Variants in RNF17 observed in about 807,000 individuals in gnomAD.
RNF17 encodes spermatogenesis associated 23.
In RNF17, 31 loss-of-function variants were observed where a neutral mutation model predicts 200.5. The ratio of observed to expected loss-of-function variants is 0.15; its 90% CI spans 0.12 to 0.21. The LOEUF (loss-of-function observed/expected upper bound fraction) is 0.21, where lower values mean the gene tolerates loss of function less well. RNF17 is among the 10% of genes least tolerant of loss of function. The pLI is 1.00. For synonymous variants in RNF17, 606 were observed against 637.8 expected, an observed-to-expected ratio of 0.95 and a Z score of 0.75; for missense variants, 1,628 against 1,905.1, an observed-to-expected ratio of 0.85 and a Z score of 2.71.
In RNF17 at chr13:24,843,629, A is replaced by G. The variant is rs77159978; in HGVS notation, c.2604-115A>G. 8.1e-4 allele frequency: 555 copies of G among 682,470 alleles called. 5 individuals are homozygous for G. The African/African-American group carries it at 9.4e-3, about 12-fold the overall frequency. 42.3% of individuals were successfully genotyped at this position (682,470 alleles called of 1,614,324 possible). A position where few individuals can be genotyped will look rare whatever the true frequency, so the allele number is the denominator to read the frequency against. On this transcript the variant is annotated intron_variant, in intron 19 of 35. Transcript: ENST00000255324. ...TCACCTGTTTTAGGTCCACAGTTAA[A>G]TGAATTTTGACAAAATAGTCATATA...
chr13:24,760,395 T>C (rs1878629659), upstream of RNF17, among the ~76,000 whole-genome samples: 1 of 152,148 alleles, frequency 6.6e-6, no homozygotes, highest in South Asian at 2.1e-4. Context: ...TTAAAAGTCA[T>C]TCCAATGCTG....
downstream of RNF17, among the ~76,000 whole-genome samples, chr13:24,880,157 C>T (rs61947511): frequency 1.2e-5 from 1 of 82,832 alleles, no homozygotes; most frequent in African/African-American, 3.2e-5. Flanking sequence ...TGACTCAGTT[C>T]CACATGGCTG....
chr13:24,827,104 G>T lies in RNF17; in HGVS notation c.2245+1332G>T, dbSNP rs993172206. ...GTCACCACGCCCGGCTAATTTTTTT[G>T]TATTTTTAGTAGAGATGGGATTTCG... is the stretch of plus-strand genomic sequence containing the variant. On this transcript the variant is annotated intron_variant, in intron 16 of 35. Coordinates refer to ENST00000255324, the MANE Select transcript of RNF17 (RefSeq NM_031277.3). Among the ~76,000 whole-genome samples, 193 of 151,094 alleles carry T rather than the reference G, an allele frequency of 1.3e-3. 2 individuals are homozygous for T. The highest frequency in any genetic ancestry group is 1.4e-3 in the Non-Finnish European group (96 of 67,730).
Position 24,843,990 on chromosome 13 carries a change from A to G in RNF17, c.2831+19A>G, listed in dbSNP as rs577839811. The G allele has an allele frequency of 1.0e-5, 7 of 668,660 alleles. No individual in the cohort carries two copies. In the East Asian group the frequency reaches 2.4e-4, roughly 23 times the overall value. 41.4% of individuals were successfully genotyped at this position (668,660 alleles called of 1,614,324 possible). ...TTAATAGGTATAATATATATATATA[A>G]TATATAAGGAAAATATTGCATATGA... On this transcript the variant is annotated intron_variant, in intron 20 of 35. Transcript: ENST00000255324.
At chr13:24,749,844 G>T in the RNF17 span, among the ~76,000 whole-genome samples, 1 of 152,166 alleles carries the variant, frequency 6.6e-6, no homozygotes, top group Admixed American at 6.5e-5. Context: ...CTGCTGTCCA[G>T]GTTCAAACGA....
chr13:24,848,275 ATCCC>A (rs140627862), intron 22 of RNF17, among the ~76,000 whole-genome samples: 29,666 of 151,992 alleles, frequency 0.2, 3,118 homozygotes, highest in South Asian at 0.32. Flanking sequence ...ATTTTAAGAA[ATCCC>A]TTTTAATAGA....
rs1245496175 is a variant in RNF17 at position 24,843,734 on chromosome 13, TG to T, written c.2604-9del. The T allele has an allele frequency of 7.9e-6, 12 of 1,515,938 alleles. No homozygotes were observed. The highest frequency in any genetic ancestry group is 1.4e-5 in the African/African-American group (1 of 72,816). 93.9% of individuals were successfully genotyped at this position (1,515,938 alleles called of 1,614,324 possible). A position where few individuals can be genotyped will look rare whatever the true frequency, so the allele number is the denominator to read the frequency against. ...TACAGTTCTTTTCATTAACTTTTGT[TG>T]TTTTTCAGATACATCCTCAAAGATA... On this transcript the variant is annotated splice_polypyrimidine_tract_variant and intron_variant, in intron 19 of 35. Transcript: ENST00000255324.
At chr13:24,857,718 GTGAGACCCCA>G (rs1892666897) in intron 25 of RNF17, among the ~76,000 whole-genome samples, 1 of 152,136 alleles carries the variant, frequency 6.6e-6, no homozygotes, top group Admixed American at 6.5e-5. Context: ...GGGCAACATG[GTGAGACCCCA>G]TCGCTACAAA....
At chr13:24,826,353 G>A (rs187170662) in intron 16 of RNF17, among the ~76,000 whole-genome samples, 37 of 152,280 alleles carry the variant, frequency 2.4e-4, no homozygotes, top group Middle Eastern at 3.4e-3. Context: ...CCCCAGCATT[G>A]ACTAAGACAG....
chr13:24,865,241 C>T (rs184926203), intron 29 of RNF17, among the ~76,000 whole-genome samples: 2 of 152,302 alleles, frequency 1.3e-5, no homozygotes, highest in South Asian at 4.1e-4. Flanking sequence ...AAACCTAGTG[C>T]GATGCCCATG....
chr13:24,884,591 T>C (rs1953957243), downstream of RNF17: 1 of 916,756 alleles, frequency 1.1e-6, no homozygotes, highest in African/African-American at 1.6e-5. Context: ...AAAGATCCTT[T>C]ATTTCGTGAG....
chr13:24,819,253 A>G (rs1309085731), intron 15 of RNF17, among the ~76,000 whole-genome samples: 2 of 152,188 alleles, frequency 1.3e-5, no homozygotes, highest in African/African-American at 4.8e-5. Context: ...TTACTATGTT[A>G]GATACCTTGT....
At position 24,835,478 on chromosome 13, in the gene RNF17, A is replaced by G. The variant is rs181820600; in HGVS notation, c.2482+3500A>G. On this transcript the variant is annotated intron_variant, in intron 18 of 35. Coordinates refer to ENST00000255324, the MANE Select transcript of RNF17 (RefSeq NM_031277.3). ...TGCTATCCACTGCTGAGAGACCCATAGGTGGTTCACATCACAGGACTCTGT... is the reference window on the plus strand; with the variant it reads ...TGCTATCCACTGCTGAGAGACCCATGGGTGGTTCACATCACAGGACTCTGT... Among the ~76,000 whole-genome samples the G allele has an allele frequency of 4.6e-5, 7 of 152,286 alleles. No homozygotes were observed. The East Asian group carries it at 1.4e-3, about 29-fold the overall frequency.
intron 24 of RNF17, among the ~76,000 whole-genome samples, chr13:24,852,694 T>C (rs950742792): frequency 6.6e-6 from 1 of 152,212 alleles, no homozygotes. Context: ...AGCTAATTGC[T>C]TTGCCTTTAG....
Position 24,779,676 on chromosome 13 carries a change from A to G in RNF17, c.439A>G (p.Thr147Ala), listed in dbSNP as rs756177962. The change falls in exon 5 of 36, where the codon ACT (threonine) becomes GCT (alanine). Residue 147 changes from threonine to alanine, a missense_variant. Thr to Ala is a moderately conservative substitution (Grantham distance 58). Transcript: ENST00000255324. ...TTCCCTCCCTTCTTAGGACACTAAT[A>G]CTGCAGAAGAAATTGATGAAGCATT... ...NSSAVMLDTN[T>A]AEEIDEALNT... 1.9e-6 allele frequency: 3 copies of G among 1,611,046 alleles called. No individual in the cohort carries two copies. Among genetic ancestry groups the G allele is most frequent in the African/African-American group, 2.7e-5 (2 of 74,862 alleles).
chr13:24,786,471 C>T (rs1883123746), intron 6 of RNF17, among the ~76,000 whole-genome samples: 1 of 152,012 alleles, frequency 6.6e-6, no homozygotes, highest in Non-Finnish European at 1.5e-5. Flanking sequence ...TATGTTTGCC[C>T]ATGTATTTAC....
the RNF17 span, among the ~76,000 whole-genome samples, chr13:24,753,622 A>C: frequency 6.6e-6 from 1 of 152,206 alleles, no homozygotes; most frequent in Non-Finnish European, 1.5e-5. Context: ...TAATAAGACC[A>C]ATTAAGCTAG....
At chr13:24,831,746 T>C in intron 17 of RNF17, 112 bp from the exon 18 acceptor site, 1 of 887,422 alleles carries the variant, frequency 1.1e-6, no homozygotes, top group Non-Finnish European at 1.7e-6. Context: ...ATTTCTAATA[T>C]GTATGAAATT....
At chr13:24,800,768 A>G (rs866186464) in intron 13 of RNF17, among the ~76,000 whole-genome samples, 6 of 152,358 alleles carry the variant, frequency 3.9e-5, no homozygotes, top group Middle Eastern at 3.4e-3. Context: ...TGATTGGTTA[A>G]GTATCTGAGT....
Sources: allele counts gnomAD v4.1 joint callset (sites outside exome capture counted in the v4.1 genomes callset), GRCh38; gene constraint gnomAD v4.1.1; transcripts MANE v1.5; gene names NCBI Gene and HGNC (gene_info 2026-07-23, HGNC 2026-07-21).